The following KCNC2 variants were observed in gnomAD, a reference collection of about 807,000 sequenced individuals.
The protein encoded by KCNC2 is potassium voltage-gated channel subfamily C member 2, also known as voltage-gated potassium channel KCNC2.
In KCNC2, 21 loss-of-function variants were observed where a neutral mutation model predicts 44.5. The observed-to-expected ratio is 0.47, with a 90% confidence interval of 0.33 to 0.68. The LOEUF (loss-of-function observed/expected upper bound fraction) is 0.68, where lower values mean the gene tolerates loss of function less well. Among genes scored for constraint, KCNC2 ranks in the 30% least tolerant of loss-of-function variants. The probability of loss-of-function intolerance (pLI) is 0.01; values close to 1 mark genes in which losing one functional copy is unlikely to be tolerated. For synonymous variants in KCNC2, 391 were observed against 339.1 expected, an observed-to-expected ratio of 1.15 and a Z score of -1.68; for missense variants, 589 against 826.2, an observed-to-expected ratio of 0.71 and a Z score of 3.52.
In KCNC2 at chr12:75,191,628, G is replaced by A. The variant is rs1412831940; in HGVS notation, c.687+15669C>T. 1.5e-4 allele frequency among the ~76,000 whole-genome samples: 20 copies of A among 135,166 alleles called. No individual in the cohort carries two copies. In the East Asian group the frequency reaches 5.0e-3, roughly 34 times the overall value. 88.7% of individuals were successfully genotyped at this position (135,166 alleles called of 152,430 possible). On this transcript the variant is annotated intron_variant, in intron 2 of 4. Transcript: ENST00000549446. ...TGCAGTGGCGCAATCTCGGCTCACT[G>A]CAAGCTCCGCTTCCCGGGTTCACGC...
chr12:75,153,614 TATA>T (rs141663542), intron 2 of KCNC2, among the ~76,000 whole-genome samples: 72 of 151,258 alleles, frequency 4.8e-4, no homozygotes, highest in African/African-American at 1.6e-3. Flanking sequence ...CCCCTAAATC[TATA>T]ATAATAATAA....
chr12:75,058,339 T>C (rs1457472637), intron 2 of KCNC2, among the ~76,000 whole-genome samples: 4 of 151,630 alleles, frequency 2.6e-5, no homozygotes, highest in Non-Finnish European at 5.9e-5. Context: ...TTATCTTTAA[T>C]ATATTTAATA....
chr12:75,081,861 T>A (rs988335583), intron 2 of KCNC2, among the ~76,000 whole-genome samples: 1 of 152,036 alleles, frequency 6.6e-6, no homozygotes, highest in African/African-American at 2.4e-5. Flanking sequence ...AACTGATTGT[T>A]ACCTAGACAC....
chr12:75,041,733 G>A lies in KCNC2; in HGVS notation c.*1372C>T, dbSNP rs1592742340. 1.0e-6 allele frequency: 1 copy of A among 992,790 alleles called. No individual in the cohort carries two copies. Among genetic ancestry groups the A allele is most frequent in the African/African-American group, 1.7e-5 (1 of 57,386 alleles). 61.5% of individuals were successfully genotyped at this position (992,790 alleles called of 1,614,324 possible). Reference sequence around the variant, plus strand: ...ACTGCAGCAGGCAACCAAGTGCAATGGTGAAATTGCTGCTTAAACCCTGCT... The same window carrying A: ...ACTGCAGCAGGCAACCAAGTGCAATAGTGAAATTGCTGCTTAAACCCTGCT... On this transcript the variant is annotated 3_prime_UTR_variant, in exon 5 of 5. Coordinates refer to ENST00000549446, the MANE Select transcript of KCNC2 (RefSeq NM_139137.4).
chr12:75,069,871 C>T (rs1883225800), intron 2 of KCNC2, among the ~76,000 whole-genome samples: 1 of 152,126 alleles, frequency 6.6e-6, no homozygotes, highest in Non-Finnish European at 1.5e-5. Context: ...AAGTTTGAGT[C>T]TCAGAGGGTC....
Position 75,086,669 on chromosome 12 carries a change from AAAAAAAAAAAAAATAT to A in KCNC2, c.688-35368_688-35353del, listed in dbSNP as rs1320999069. Among the ~76,000 whole-genome samples the A allele has an allele frequency of 5.9e-4, 47 of 79,176 alleles. 1 individual carries two copies. Among genetic ancestry groups the A allele is most frequent in the African/African-American group, 1.4e-3 (35 of 25,112 alleles). 51.9% of individuals were successfully genotyped at this position (79,176 alleles called of 152,430 possible). ...AAGCAAGTTCATTTGGCAAAAAAAAAAAAAAAAAAAAAATATATATATATATATATACACACACATA... is the reference window on the plus strand; with the variant it reads ...AAGCAAGTTCATTTGGCAAAAAAAAAATATATATATATATACACACACATA... On this transcript the variant is annotated intron_variant, in intron 2 of 4. Coordinates refer to ENST00000549446, the MANE Select transcript of KCNC2 (RefSeq NM_139137.4).
chr12:75,206,477 A>G (rs1417795633), intron 2 of KCNC2, among the ~76,000 whole-genome samples: 1 of 152,202 alleles, frequency 6.6e-6, no homozygotes, highest in Non-Finnish European at 1.5e-5. Context: ...AGAACCCGAA[A>G]AAGAACACTG....
rs576846085 is a variant in KCNC2 at position 75,151,242 on chromosome 12, C to T, written c.687+56055G>A. Among the ~76,000 whole-genome samples the T allele has an allele frequency of 1.8e-4, 27 of 152,052 alleles. 4 individuals are homozygous for T. In the South Asian group the frequency reaches 5.6e-3, roughly 32 times the overall value. ...CTTCCATATCAAACAAACATACTGT[C>T]TAGATTCTGATTGTGGGTGAAGAGA... On this transcript the variant is annotated intron_variant, in intron 2 of 4. Transcript: ENST00000549446.
At chr12:75,131,848 A>G (rs1350550002) in intron 2 of KCNC2, among the ~76,000 whole-genome samples, 1 of 152,008 alleles carries the variant, frequency 6.6e-6, no homozygotes, top group Non-Finnish European at 1.5e-5. Flanking sequence ...CCCAGGTGAC[A>G]CTCTGATTTC....
At chr12:75,083,791 TA>T (rs1194789910) in intron 2 of KCNC2, among the ~76,000 whole-genome samples, 1 of 152,038 alleles carries the variant, frequency 6.6e-6, no homozygotes, top group Non-Finnish European at 1.5e-5. Flanking sequence ...TTTAGAAAGA[TA>T]TTTTATAATA....
At chr12:75,145,459 T>A (rs1162003530) in intron 2 of KCNC2, among the ~76,000 whole-genome samples, 1 of 146,498 alleles carries the variant, frequency 6.8e-6, no homozygotes, top group East Asian at 2.0e-4. Context: ...TATTTTCTTT[T>A]CTTTTATTAA....
At chr12:75,144,535 C>G (rs1889878586) in intron 2 of KCNC2, among the ~76,000 whole-genome samples, 1 of 151,870 alleles carries the variant, frequency 6.6e-6, no homozygotes, top group Non-Finnish European at 1.5e-5. Context: ...CAATTGAGCT[C>G]AAGAGTTTGA....
At chr12:75,118,975 C>A (rs1887864201) in intron 2 of KCNC2, among the ~76,000 whole-genome samples, 1 of 152,126 alleles carries the variant, frequency 6.6e-6, no homozygotes. Flanking sequence ...AAGTATGATG[C>A]CTACACCTTA....
intron 2 of KCNC2, among the ~76,000 whole-genome samples, chr12:75,203,763 G>A (rs928290449): frequency 2.0e-5 from 3 of 151,796 alleles, no homozygotes; most frequent in Non-Finnish European, 4.4e-5. Flanking sequence ...GTGAAAAGAA[G>A]AGAAAGAGAA....
At chr12:75,121,631 A>T (rs1192827118) in intron 2 of KCNC2, among the ~76,000 whole-genome samples, 1 of 152,200 alleles carries the variant, frequency 6.6e-6, no homozygotes, top group Admixed American at 6.5e-5. Context: ...TAGTTGGGTT[A>T]ATATTCAGCA....
chr12:75,140,273 T>C (rs1361133231), intron 2 of KCNC2: 2 of 152,144 alleles, frequency 1.3e-5, no homozygotes, highest in Admixed American at 1.3e-4. Flanking sequence ...TTTGCTAATA[T>C]CCAACTGGCC....
intron 2 of KCNC2, among the ~76,000 whole-genome samples, chr12:75,077,559 C>G (rs1279557963): frequency 6.6e-6 from 1 of 152,046 alleles, no homozygotes; most frequent in Admixed American, 6.6e-5. Flanking sequence ...TTTATTTGGT[C>G]CAGGATAACT....
chr12:75,090,793 CCAT>C (rs34927818), intron 2 of KCNC2, among the ~76,000 whole-genome samples: 25,570 of 151,198 alleles, frequency 0.17, 2,658 homozygotes, highest in Admixed American at 0.27. Context: ...ATCCTCATTA[CCAT>C]CATCATCATC....
At chr12:75,191,358 G>C (rs964601025) in intron 2 of KCNC2, among the ~76,000 whole-genome samples, 1 of 150,998 alleles carries the variant, frequency 6.6e-6, no homozygotes, top group African/African-American at 2.4e-5. Flanking sequence ...TCTTCCTCAG[G>C]CTATTCAATA....
Sources: gnomAD v4.1 joint callset for allele counts (sites outside exome capture counted in the v4.1 genomes callset) on GRCh38, gnomAD v4.1.1 for gene constraint, MANE v1.5 for transcripts, NCBI Gene and HGNC (gene_info 2026-07-23, HGNC 2026-07-21) for gene names.